SARDH: variants seen among roughly 807,000 people sequenced by gnomAD.
SARDH encodes the protein sarcosine dehydrogenase.
A neutral mutation model predicts 109.1 loss-of-function variants in SARDH; 95 were observed. The ratio of observed to expected loss-of-function variants is 0.87; its 90% CI spans 0.74 to 1.03. SARDH has a LOEUF of 1.03. SARDH is among the 50% of genes least tolerant of loss of function. The pLI is 0.00. For synonymous variants in SARDH, 572 were observed against 534.8 expected, an observed-to-expected ratio of 1.07 and a Z score of -0.96; for missense variants, 1,267 against 1,287.8, an observed-to-expected ratio of 0.98 and a Z score of 0.25.
chr9:133,668,418 CTCTCCCT>C (rs565917710), intron 19 of SARDH, among the ~76,000 whole-genome samples: 1,334 of 46,834 alleles, frequency 0.028, 126 homozygotes, highest in Non-Finnish European at 0.041. Flanking sequence ...CTCCCTCTCC[CTCTCCCT>C]TCACCCTCCC....
At chr9:133,733,179 G>A (rs184220943) in intron 2 of SARDH, among the ~76,000 whole-genome samples, 33 of 152,308 alleles carry the variant, frequency 2.2e-4, no homozygotes, top group Admixed American at 5.9e-4. Context: ...TGTGGGAGCC[G>A]GCTCGCATCA....
At chr9:133,670,779 G>A (rs758082091) in intron 18 of SARDH, 27 bp from the exon 19 acceptor site, 3 of 1,543,420 alleles carry the variant, frequency 1.9e-6, no homozygotes, top group Non-Finnish European at 1.7e-6. Flanking sequence ...CATGGGGTCG[G>A]TGCCACCCTG....
chr9:133,701,321 C>T (rs1370842791), intron 13 of SARDH, among the ~76,000 whole-genome samples: 1 of 152,266 alleles, frequency 6.6e-6, no homozygotes, highest in Non-Finnish European at 1.5e-5. Flanking sequence ...CATCTGCCTC[C>T]TGAGCTCTCC....
At chr9:133,681,980 A>G (rs1830711916) in intron 17 of SARDH, among the ~76,000 whole-genome samples, 1 of 151,180 alleles carries the variant, frequency 6.6e-6, no homozygotes, top group African/African-American at 2.4e-5. Context: ...TCCGCCTGAG[A>G]CCTAGGGTAG....
chr9:133,698,009 T>TTAAA (rs961692344), intron 13 of SARDH, among the ~76,000 whole-genome samples: 9 of 95,712 alleles, frequency 9.4e-5, no homozygotes, highest in Non-Finnish European at 1.9e-4. Flanking sequence ...AGGAATCCAC[T>TTAAA]AAAAAAAAAA....
chr9:133,705,113 A>G (rs1406044063), intron 11 of SARDH, 82 bp from the exon 12 acceptor site: 1 of 1,386,790 alleles, frequency 7.2e-7, no homozygotes, highest in African/African-American at 1.4e-5. Flanking sequence ...CCGCCACTTT[A>G]CACCCAAGGG....
intron 17 of SARDH, among the ~76,000 whole-genome samples, chr9:133,682,311 G>T (rs930593427): frequency 8.5e-5 from 13 of 152,208 alleles, no homozygotes; most frequent in Non-Finnish European, 1.8e-4. Context: ...AAAGCAGTGT[G>T]TACAGACTGC....
chr9:133,672,773 C>T (rs1245021664), intron 17 of SARDH, among the ~76,000 whole-genome samples: 3 of 152,216 alleles, frequency 2.0e-5, no homozygotes, highest in Admixed American at 1.3e-4. Context: ...CTGCCTGGGA[C>T]GCCAGACCAG....
chr9:133,719,610 G>A (rs1437165158), intron 6 of SARDH, among the ~76,000 whole-genome samples: 2 of 152,066 alleles, frequency 1.3e-5, no homozygotes, highest in African/African-American at 4.8e-5. Context: ...TCCAGAAGTG[G>A]GGAGAGTGGA....
chr9:133,729,972 C>T, intron 5 of SARDH, 92 bp downstream of exon 5: 1 of 1,591,234 alleles, frequency 6.3e-7, no homozygotes, highest in South Asian at 1.1e-5. Flanking sequence ...GCAGGGGCTC[C>T]CCACCCCAGA....
At position 133,663,862 on chromosome 9, in the gene SARDH, A is replaced by G. The variant is rs1379026697; in HGVS notation, c.*27T>C. On this transcript the variant is annotated 3_prime_UTR_variant, in exon 21 of 21. Transcript: ENST00000439388. The stretch of plus-strand genomic sequence containing the variant: ...GGACCTGTGAGAATGGATGGACAGC[A>G]TGGGATGGGGCATGTGGTCTGAGCC... 6.2e-7 allele frequency: 1 copy of G among 1,612,996 alleles called. No individual in the cohort carries two copies. The highest frequency in any genetic ancestry group is 1.3e-5 in the African/African-American group (1 of 74,906).
At chr9:133,724,666 A>G (rs928108437) in intron 6 of SARDH, among the ~76,000 whole-genome samples, 3 of 152,222 alleles carry the variant, frequency 2.0e-5, no homozygotes, top group African/African-American at 7.2e-5. Context: ...TCCAGTGTAT[A>G]GACTGAGTAT....
intron 16 of SARDH, among the ~76,000 whole-genome samples, chr9:133,685,508 T>C (rs1830854350): frequency 1.3e-5 from 2 of 152,176 alleles, no homozygotes; most frequent in South Asian, 2.1e-4. Flanking sequence ...GCAGGACCCC[T>C]GGGGGAGGCC....
downstream of SARDH, among the ~76,000 whole-genome samples, chr9:133,662,206 C>T (rs933494301): frequency 1.3e-5 from 2 of 152,122 alleles, no homozygotes; most frequent in South Asian, 2.1e-4. This position sits in a 1 kb window ranked among gnomAD's most constrained non-coding sequence, Gnocchi z 5.1. Flanking sequence ...TCTCTCTCCT[C>T]GGGACAGGGT....
chr9:133,707,992 G>A (rs1008120730), intron 11 of SARDH, among the ~76,000 whole-genome samples: 10 of 152,118 alleles, frequency 6.6e-5, no homozygotes, highest in Admixed American at 2.6e-4. Flanking sequence ...CCCTGTTGGC[G>A]CTGCTGCCAG....
intron 16 of SARDH, among the ~76,000 whole-genome samples, chr9:133,690,054 C>A (rs1415979936): frequency 6.6e-6 from 1 of 152,094 alleles, no homozygotes; most frequent in African/African-American, 2.4e-5. Context: ...GGTAGCAGGG[C>A]GAAATCTGGC....
intron 17 of SARDH, among the ~76,000 whole-genome samples, chr9:133,679,868 G>A (rs1485049392): frequency 6.6e-6 from 1 of 152,174 alleles, no homozygotes; most frequent in Non-Finnish European, 1.5e-5. Context: ...CGCACCCGGG[G>A]CCCGGGTCTG....
rs1832679038 is a variant in SARDH, at chr9:133,731,455, A to G, written c.540T>C (p.His180=). The change falls in exon 4 of 21, where the codon CAT becomes CAC. Residue 180 remains histidine, a synonymous_variant. Coordinates refer to ENST00000439388, the MANE Select transcript of SARDH (RefSeq NM_001134707.2). ...TCTTGGTCTCTGCCGGGCTCAGCAC[A>G]TGGGATTCCACACCATACGCCTTGC... ...SLGKAYGVES[H]VLSPAETKTL... 6.2e-7 allele frequency: 1 copy of G among 1,613,986 alleles called. No homozygotes were observed. The highest frequency in any genetic ancestry group is 1.3e-5 in the African/African-American group (1 of 74,910).
chr9:133,704,828 GACAGTGGAACC>G lies in SARDH; in HGVS notation c.1554+109_1554+119del. On this transcript the variant is annotated intron_variant, in intron 12 of 20. Coordinates refer to ENST00000439388, the MANE Select transcript of SARDH (RefSeq NM_001134707.2). The surrounding 1 kb of genome is among the most constrained non-coding windows in gnomAD (Gnocchi z 4.5). ...TCCCGTGTGCAGAATAACTGATCAC[GACAGTGGAACC>G]ACCTGGGGAGGCGGGGCACACGGAG... 1.2e-6 allele frequency: 1 copy of G among 823,952 alleles called. No homozygotes were observed. Among genetic ancestry groups the G allele is most frequent in the Admixed American group, 2.1e-5 (1 of 46,762 alleles). The allele number at this position is 823,952 out of a possible 1,614,324, so 51.0% of individuals were successfully genotyped here. A position where few individuals can be genotyped will look rare whatever the true frequency, so the allele number is the denominator to read the frequency against.
Sources: gnomAD v4.1 joint callset for allele counts (sites outside exome capture counted in the v4.1 genomes callset) on GRCh38, gnomAD v4.1.1 for gene constraint, Gnocchi (gnomAD v3.1) non-coding constraint, MANE v1.5 for transcripts, NCBI Gene and HGNC (gene_info 2026-07-23, HGNC 2026-07-21) for gene names.